The following SYNE2 variants were observed in gnomAD, a reference collection of about 807,000 sequenced individuals.
SYNE2 encodes nesprin-2.
Under a neutral mutation model 856.3 loss-of-function variants are expected in SYNE2, and 431 were observed. The ratio of observed to expected loss-of-function variants is 0.50; its 90% CI spans 0.47 to 0.55. The LOEUF (loss-of-function observed/expected upper bound fraction) is 0.55, where lower values mean the gene tolerates loss of function less well. Ranked by LOEUF, SYNE2 falls within the 20% of genes least tolerant of loss-of-function variation. The pLI, the probability that SYNE2 is intolerant of heterozygous loss-of-function variation, is 0.00. For synonymous variants in SYNE2, 2,923 were observed against 2,872.3 expected, an observed-to-expected ratio of 1.02 and a Z score of -0.56; for missense variants, 8,129 against 8,023.2, an observed-to-expected ratio of 1.01 and a Z score of -0.50.
chr14:64,012,385 T>C (rs1440073219), intron 32 of SYNE2, among the ~76,000 whole-genome samples: 2 of 152,200 alleles, frequency 1.3e-5, no homozygotes, highest in Non-Finnish European at 2.9e-5. Flanking sequence ...TTTTCTGTTA[T>C]TAAAGTAGCA....
intron 1 of SYNE2, among the ~76,000 whole-genome samples, chr14:63,827,651 A>AC (rs1566593025): frequency 2.1e-5 from 3 of 141,844 alleles, no homozygotes; most frequent in African/African-American, 8.3e-5. Flanking sequence ...AAAAAAAAAA[A>AC]AAAAAGAAAG....
At chr14:63,988,201 C>T (rs1478378031) in intron 19 of SYNE2, among the ~76,000 whole-genome samples, 1 of 152,200 alleles carries the variant, frequency 6.6e-6, no homozygotes, top group African/African-American at 2.4e-5. Context: ...CTTCAGCCTC[C>T]CAAGTAGCTG....
chr14:64,223,656 G>T (rs1336643628), intron 113 of SYNE2, among the ~76,000 whole-genome samples: 1 of 152,030 alleles, frequency 6.6e-6, no homozygotes, highest in African/African-American at 2.4e-5. Flanking sequence ...TGTAGAGAAG[G>T]GTTCTTGCCA....
chr14:64,111,525 G>T (rs369220159), intron 65 of SYNE2, among the ~76,000 whole-genome samples: 33 of 152,138 alleles, frequency 2.2e-4, no homozygotes, highest in African/African-American at 7.5e-4. Context: ...AGGGCCAGGC[G>T]CTGTGGCTTA....
chr14:64,202,171 G>GC (rs1316816994), intron 99 of SYNE2: 1 of 702,140 alleles, frequency 1.4e-6, no homozygotes, highest in Non-Finnish European at 2.6e-6. Context: ...GATTTCCTTT[G>GC]CCCCCTCCCT....
At chr14:63,939,312 G>A (rs2153413611) in intron 2 of SYNE2, among the ~76,000 whole-genome samples, 1 of 151,840 alleles carries the variant, frequency 6.6e-6, no homozygotes, top group South Asian at 2.1e-4. Context: ...GAGGGTTCAG[G>A]TCTTCCCCTT....
intron 57 of SYNE2, among the ~76,000 whole-genome samples, chr14:64,082,528 T>C (rs2097532217): frequency 6.6e-6 from 1 of 152,146 alleles, no homozygotes; most frequent in African/African-American, 2.4e-5. Context: ...CCAAAGGCTT[T>C]TTCTAGAAGC....
chr14:63,954,830 G>A lies in SYNE2; in HGVS notation c.702G>A (p.Lys234=), dbSNP rs1437898107. Reference sequence around the variant, plus strand: ...ACCTAATTGACATGAAGAGTGTGAAGCATAGATCCAACAAAGACAATCTGA... The same window carrying A: ...ACCTAATTGACATGAAGAGTGTGAAACATAGATCCAACAAAGACAATCTGA... ...RPDLIDMKSV[K]HRSNKDNLRE... is the part of the protein sequence containing the mutation. Residue 234 remains lysine, a synonymous_variant, in exon 8 of 116, where the codon AAG becomes AAA. Transcript: ENST00000555002. 5 of 1,613,846 alleles carry A rather than the reference G, an allele frequency of 3.1e-6. No homozygotes were observed. The highest frequency in any genetic ancestry group is 4.2e-6 in the Non-Finnish European group (5 of 1,179,958).
rs1405272114 is a variant in SYNE2 at position 64,163,538 on chromosome 14, C to T, written c.16436C>T (p.Ala5479Val). ...CCCCTGCACTCTCTCCAGAGGGCTG[C>T]TTATTTGGAAAAGATGCTGCTTGTG... The part of the protein sequence containing the change: ...PGPLHSLQRA[A>V]YLEKMLLVKA... Residue 5479 changes from alanine (A) to valine (V), a missense_variant, in exon 89 of 116, where the codon GCT becomes GTT. Physicochemically the swap from Ala to Val is moderately conservative, Grantham distance 64. This residue lies in a region of SYNE2 where 5,410 missense variants were observed against 5,284.8 expected (regional missense o/e 1.02). Coordinates refer to ENST00000555002, the MANE Select transcript of SYNE2 (RefSeq NM_182914.3). The T allele has an allele frequency of 6.2e-7, 1 of 1,614,144 alleles. No individual in the cohort carries two copies. The highest frequency in any genetic ancestry group is 8.5e-7 in the Non-Finnish European group (1 of 1,180,020).
chr14:64,177,276 G>A, intron 95 of SYNE2, 82 bp from the exon 96 acceptor site: 1 of 1,535,886 alleles, frequency 6.5e-7, no homozygotes. Context: ...GAAAGATTAT[G>A]TGGATTAAAT....
At chr14:63,901,696 G>A (rs895282229) in intron 1 of SYNE2, among the ~76,000 whole-genome samples, 2 of 152,244 alleles carry the variant, frequency 1.3e-5, no homozygotes, top group African/African-American at 4.8e-5. Context: ...AGGTGAGGCA[G>A]GAGGATGGCT....
At chr14:64,041,578 C>G (rs996160018) in intron 45 of SYNE2, among the ~76,000 whole-genome samples, 1 of 152,160 alleles carries the variant, frequency 6.6e-6, no homozygotes, top group African/African-American at 2.4e-5. Flanking sequence ...GCCAGGTGCT[C>G]TGGCTCATGC....
Position 64,225,497 on chromosome 14 carries a change from A to C in SYNE2, c.20695A>C (p.Arg6899=). Residue 6899 remains arginine (R), a synonymous_variant, in exon 116 of 116, where the codon AGG becomes CGG. Transcript: ENST00000555002. ...NFARSFYPML[R]YTNGPPPT ...TGCCCGGTCCTTTTACCCCATGCTG[A>C]GGTACACCAATGGGCCACCCCCCAC... is the stretch of plus-strand genomic sequence containing the variant. 2 of 1,614,194 alleles carry C rather than the reference A, an allele frequency of 1.2e-6. No homozygotes were observed. Among genetic ancestry groups the C allele is most frequent in the South Asian group, 2.2e-5 (2 of 91,078 alleles).
At chr14:64,202,248 A>G in intron 99 of SYNE2, 1 of 702,048 alleles carries the variant, frequency 1.4e-6, no homozygotes, top group East Asian at 2.7e-5. Context: ...GGCTGGGTGA[A>G]CCCCTCATAC....
intron 1 of SYNE2, among the ~76,000 whole-genome samples, chr14:63,821,547 A>T (rs1042747276): frequency 6.6e-5 from 10 of 151,868 alleles, no homozygotes; most frequent in African/African-American, 2.4e-4. Flanking sequence ...TGAGGTTAGG[A>T]GTTCGAGACC....
intron 49 of SYNE2, among the ~76,000 whole-genome samples, 188 bp downstream of exon 49, chr14:64,056,454 G>A (rs942570200): frequency 6.6e-6 from 1 of 150,690 alleles, no homozygotes; most frequent in African/African-American, 2.4e-5. Context: ...AGAAAACTCT[G>A]GTAAATATTG....
chr14:63,823,687 G>C (rs1414265175), intron 1 of SYNE2, among the ~76,000 whole-genome samples: 3 of 150,840 alleles, frequency 2.0e-5, no homozygotes, highest in Non-Finnish European at 2.9e-5. Context: ...TCAGGCTAGA[G>C]TGCAATGGCC....
At chr14:63,876,130 C>T (rs897374694) in intron 1 of SYNE2, among the ~76,000 whole-genome samples, 1 of 151,788 alleles carries the variant, frequency 6.6e-6, no homozygotes, top group Non-Finnish European at 1.5e-5. Flanking sequence ...CTTATTTAAT[C>T]GGCTGGACGT....
Position 64,202,861 on chromosome 14 carries a change from C to A in SYNE2, c.18099C>A (p.Asn6033Lys). ...FIQQLDKNMS[N>K]LRTWLARIES... ...AGCAGTTGGACAAAAACATGAGCAA[C>A]CTTCGCACCTGGTTGGCTCGAATTG... Residue 6033 changes from asparagine to lysine, a missense_variant, in exon 100 of 116, where the codon AAC (asparagine) becomes AAA (lysine). Physicochemically the swap from Asn to Lys is moderately conservative, Grantham distance 94. Transcript: ENST00000555002. 1 of 1,614,074 alleles carries A rather than the reference C, an allele frequency of 6.2e-7. No homozygotes were observed. The highest frequency in any genetic ancestry group is 8.5e-7 in the Non-Finnish European group (1 of 1,180,004).
Sources: allele counts gnomAD v4.1 joint callset (sites outside exome capture counted in the v4.1 genomes callset), GRCh38; gene constraint gnomAD v4.1.1; regional missense constraint gnomAD v4.1.1; transcripts MANE v1.5; gene names NCBI Gene and HGNC (gene_info 2026-07-23, HGNC 2026-07-21).